AIM2: variants seen among roughly 807,000 people sequenced by gnomAD.
AIM2 encodes interferon-inducible protein AIM2.
In AIM2, 30 loss-of-function variants were observed where a neutral mutation model predicts 27.7. That is an observed-to-expected ratio of 1.08 (90% CI 0.81 to 1.47). The LOEUF is 1.47. Ranked by LOEUF, AIM2 falls within the 40% of genes most tolerant of loss-of-function variation. The probability of loss-of-function intolerance (pLI) is 0.00; values close to 1 mark genes in which losing one functional copy is unlikely to be tolerated. For missense variants in AIM2, 358 were observed against 411.3 expected (o/e 0.87, Z 1.12); for synonymous variants, 141 against 145.3 (o/e 0.97, Z 0.21).
intron 4 of AIM2, among the ~76,000 whole-genome samples, chr1:159,063,938 C>T (rs982272471): frequency 6.6e-6 from 1 of 152,172 alleles, no homozygotes; most frequent in Non-Finnish European, 1.5e-5. Flanking sequence ...TGATCTACTT[C>T]CACTTAATGA....
intron 1 of AIM2, among the ~76,000 whole-genome samples, chr1:159,133,137 C>T (rs564453902): frequency 6.6e-6 from 1 of 152,300 alleles, no homozygotes; most frequent in South Asian, 2.1e-4. Context: ...ATCACATTCC[C>T]AAAAACCTTG....
At chr1:159,079,877 T>C (rs1305737392), upstream of AIM2, among the ~76,000 whole-genome samples, 1 of 152,222 alleles carries the variant, frequency 6.6e-6, no homozygotes, top group Non-Finnish European at 1.5e-5. Flanking sequence ...CAACCACTGA[T>C]CTTTTTACTG....
At chr1:159,078,093 T>A (rs1267861009), upstream of AIM2, among the ~76,000 whole-genome samples, 2 of 152,200 alleles carry the variant, frequency 1.3e-5, no homozygotes, top group African/African-American at 4.8e-5. Context: ...TTTCTACACT[T>A]TTGCCAGCTT....
At chr1:159,128,077 A>C (rs973620063) in intron 1 of AIM2, among the ~76,000 whole-genome samples, 1 of 152,160 alleles carries the variant, frequency 6.6e-6, no homozygotes, top group African/African-American at 2.4e-5. Flanking sequence ...AGTAGAACAC[A>C]TGCCTCTGGA....
chr1:159,085,559 GA>G lies in AIM2; in HGVS notation c.-15-19231del, dbSNP rs780088585. On this transcript the variant is annotated intron_variant, in intron 1 of 2. Coordinates refer to the AIM2 transcript ENST00000368129. ...GATATGTAAATGGAGATGTTTAATT[GA>G]ATATATAAGCCTGGAGCTTAGACGA... Among the ~76,000 whole-genome samples the G allele has an allele frequency of 5.9e-5, 9 of 152,170 alleles. No homozygotes were observed. The South Asian group carries it at 1.0e-3, about 18-fold the overall frequency.
chr1:159,118,055 C>T (rs1482732590), intron 1 of AIM2, among the ~76,000 whole-genome samples: 1 of 152,108 alleles, frequency 6.6e-6, no homozygotes. Flanking sequence ...CTTATACAGC[C>T]TCAATGCCTT....
At chr1:159,078,612 C>G (rs1656695045), upstream of AIM2, among the ~76,000 whole-genome samples, 1 of 152,186 alleles carries the variant, frequency 6.6e-6, no homozygotes, top group Non-Finnish European at 1.5e-5. Context: ...AGCAGGTACA[C>G]TGCTGCACCT....
At chr1:159,130,388 C>T (rs1013215889) in intron 1 of AIM2, among the ~76,000 whole-genome samples, 1 of 152,160 alleles carries the variant, frequency 6.6e-6, no homozygotes, top group Non-Finnish European at 1.5e-5. Context: ...GCCCATTAGA[C>T]ATATCTACTG....
intron 1 of AIM2, among the ~76,000 whole-genome samples, chr1:159,096,830 G>A (rs1657191479): frequency 6.6e-6 from 1 of 152,074 alleles, no homozygotes; most frequent in Non-Finnish European, 1.5e-5. Context: ...TTCCCTGAGG[G>A]TGAAGGATGA....
upstream of AIM2, among the ~76,000 whole-genome samples, chr1:159,143,842 A>C (rs1300457013): frequency 6.6e-6 from 1 of 152,184 alleles, no homozygotes; most frequent in Non-Finnish European, 1.5e-5. Flanking sequence ...ATATCATGGC[A>C]TGGTTCTACT....
chr1:159,116,468 T>C (rs1017169775), intron 1 of AIM2, among the ~76,000 whole-genome samples: 2 of 151,960 alleles, frequency 1.3e-5, no homozygotes, highest in African/African-American at 4.8e-5. Context: ...ATTAAGAAAA[T>C]GTGGCACATA....
chr1:159,140,007 A>G (rs1365079876), intron 1 of AIM2, among the ~76,000 whole-genome samples: 1 of 152,184 alleles, frequency 6.6e-6, no homozygotes, highest in Admixed American at 6.5e-5. Flanking sequence ...CTATGGTGGA[A>G]AAATGTGACA....
chr1:159,057,784 C>CA (rs1298701532), downstream of AIM2, among the ~76,000 whole-genome samples: 4 of 151,974 alleles, frequency 2.6e-5, no homozygotes, highest in Admixed American at 2.0e-4. Context: ...AAAAAACAAA[C>CA]AAAAAAACAT....
chr1:159,144,786 T>C (rs1557918787), upstream of AIM2, among the ~76,000 whole-genome samples: 3 of 152,206 alleles, frequency 2.0e-5, no homozygotes, highest in Non-Finnish European at 4.4e-5. Context: ...ATATGATAAA[T>C]GCCCTTCAAA....
intron 1 of AIM2, among the ~76,000 whole-genome samples, chr1:159,104,840 C>G (rs1239489175): frequency 1.3e-5 from 2 of 152,154 alleles, no homozygotes; most frequent in African/African-American, 4.8e-5. Flanking sequence ...AGGAGATGTG[C>G]TCAAATGTGT....
intron 2 of AIM2, among the ~76,000 whole-genome samples, chr1:159,069,786 G>C (rs994547439): frequency 6.6e-6 from 1 of 151,974 alleles, no homozygotes; most frequent in Non-Finnish European, 1.5e-5. Context: ...CTCGTGATGC[G>C]CCCACCTCAG....
rs1412063647 is a variant in AIM2 at position 159,136,302 on chromosome 1, C to T, written c.-16+4129G>A. On this transcript the variant is annotated intron_variant, in intron 1 of 2. Transcript: ENST00000368129. ...TCTGAAGGTTTAGAAAGAATAACTA[C>T]AAACAAGGAGGTTAGCATTTGTGTT... is the stretch of plus-strand genomic sequence containing the variant. Among the ~76,000 whole-genome samples the T allele has an allele frequency of 3.9e-5, 6 of 152,144 alleles. No individual in the cohort carries two copies. In the East Asian group the frequency reaches 5.8e-4, roughly 15 times the overall value.
chr1:159,085,314 T>C (rs1351341116), intron 1 of AIM2, among the ~76,000 whole-genome samples: 1 of 152,156 alleles, frequency 6.6e-6, no homozygotes, highest in African/African-American at 2.4e-5. Flanking sequence ...ATGTGAATTA[T>C]TTAAAAGGTT....
intron 1 of AIM2, among the ~76,000 whole-genome samples, chr1:159,104,787 T>G (rs1015433510): frequency 6.6e-6 from 1 of 152,236 alleles, no homozygotes; most frequent in African/African-American, 2.4e-5. Context: ...TTCTGGAGCA[T>G]GGACTACATG....
Sources: allele counts gnomAD v4.1 joint callset (sites outside exome capture counted in the v4.1 genomes callset), GRCh38; gene constraint gnomAD v4.1.1; transcripts MANE v1.5; gene names NCBI Gene and HGNC (gene_info 2026-07-23, HGNC 2026-07-21).